VSTM4: variants seen among roughly 807,000 people sequenced by gnomAD.
The protein encoded by VSTM4 is V-set and transmembrane domain-containing protein 4.
A neutral mutation model predicts 36.4 loss-of-function variants in VSTM4; 20 were observed. The ratio of observed to expected loss-of-function variants is 0.55; its 90% confidence interval spans 0.39 to 0.80. The LOEUF (loss-of-function observed/expected upper bound fraction) is 0.80. VSTM4 is among the 30% of genes least tolerant of loss of function. The pLI is 0.00. For synonymous variants in VSTM4, 182 were observed against 173.9 expected (o/e 1.05, Z -0.37); for missense variants, 392 against 404.5 (o/e 0.97, Z 0.26).
chr10:49,024,389 T>C (rs545810665), intron 7 of VSTM4, among the ~76,000 whole-genome samples: 7 of 152,238 alleles, frequency 4.6e-5, no homozygotes, highest in African/African-American at 1.7e-4. Flanking sequence ...CACGCACGTA[T>C]TGATGCATCA....
At position 49,039,247 on chromosome 10, in the gene VSTM4, C is replaced by A. The variant is rs576562844; in HGVS notation, c.837+7736G>T. 3.3e-5 allele frequency among the ~76,000 whole-genome samples: 5 copies of A among 152,092 alleles called. No homozygotes were observed. In the South Asian group the frequency reaches 1.0e-3, roughly 32 times the overall value. ...CGTAGGTGAGGACAGAGGACCTAGA[C>A]CAATTGGGGTCTCAGCAGGATGAGG... On this transcript the variant is annotated intron_variant, in intron 7 of 7. Transcript: ENST00000332853.
At chr10:49,046,845 G>C in intron 7 of VSTM4, 138 bp downstream of exon 7, 1 of 831,588 alleles carries the variant, frequency 1.2e-6, no homozygotes, top group Non-Finnish European at 2.0e-6. Flanking sequence ...TGGCATCTGA[G>C]AATAGAGAAT....
At chr10:49,049,721 G>T (rs1182660366) in intron 5 of VSTM4, among the ~76,000 whole-genome samples, 1 of 150,908 alleles carries the variant, frequency 6.6e-6, no homozygotes, top group African/African-American at 2.4e-5. Context: ...AGCTCCCTCA[G>T]GACAGAGGAA....
At chr10:49,088,049 T>C (rs1844405903) in intron 2 of VSTM4, among the ~76,000 whole-genome samples, 1 of 149,888 alleles carries the variant, frequency 6.7e-6, no homozygotes, top group Non-Finnish European at 1.5e-5. Context: ...ATAATACAAA[T>C]ATATTTATGA....
intron 7 of VSTM4, among the ~76,000 whole-genome samples, chr10:49,030,363 AG>A (rs539684906): frequency 7.6e-4 from 116 of 152,246 alleles, no homozygotes; most frequent in African/African-American, 2.6e-3. Context: ...GCCTTGACCC[AG>A]GGTCCAGAGA....
intron 7 of VSTM4, among the ~76,000 whole-genome samples, chr10:49,036,098 G>A (rs571974129): frequency 6.6e-6 from 1 of 152,176 alleles, no homozygotes; most frequent in African/African-American, 2.4e-5. Context: ...TCCAGTGTGG[G>A]AGAGATATGA....
intron 7 of VSTM4, among the ~76,000 whole-genome samples, chr10:49,045,022 T>C (rs2131956540): frequency 6.6e-6 from 1 of 152,346 alleles, no homozygotes; most frequent in South Asian, 2.1e-4. Context: ...GCAGTTATGT[T>C]TGGGGCTCTT....
At chr10:49,077,191 C>G (rs376591726) in intron 4 of VSTM4, 28 bp downstream of exon 4, 76 of 1,609,640 alleles carry the variant, frequency 4.7e-5, no homozygotes, top group Non-Finnish European at 6.2e-5. Flanking sequence ...TGCTCCCATC[C>G]CAGACATGAC....
intron 4 of VSTM4, among the ~76,000 whole-genome samples, chr10:49,068,852 G>A (rs1174286733): frequency 6.6e-6 from 1 of 152,156 alleles, no homozygotes; most frequent in Non-Finnish European, 1.5e-5. Context: ...CTGTGGCCTG[G>A]CACCAGGCAC....
chr10:49,069,640 C>A (rs909569640), intron 4 of VSTM4, among the ~76,000 whole-genome samples: 2 of 152,192 alleles, frequency 1.3e-5, no homozygotes, highest in African/African-American at 4.8e-5. Flanking sequence ...AGAGCCCAGC[C>A]CCCTCCAGGA....
chr10:49,095,563 G>A (rs1006691412), intron 2 of VSTM4, among the ~76,000 whole-genome samples: 5 of 152,090 alleles, frequency 3.3e-5, no homozygotes, highest in African/African-American at 4.8e-5. Flanking sequence ...CTGGCCTCTT[G>A]CAACACTTTT....
At chr10:49,089,530 T>C (rs1257425008) in intron 2 of VSTM4, among the ~76,000 whole-genome samples, 1 of 152,182 alleles carries the variant, frequency 6.6e-6, no homozygotes, top group Non-Finnish European at 1.5e-5. Flanking sequence ...CAACAAGCTC[T>C]CCCTAATCTA....
At chr10:49,034,165 GTCA>G (rs775446552) in intron 7 of VSTM4, among the ~76,000 whole-genome samples, 8 of 145,860 alleles carry the variant, frequency 5.5e-5, no homozygotes, top group African/African-American at 1.5e-4. Flanking sequence ...TACCATCACC[GTCA>G]TCATCATCAC....
chr10:49,108,043 C>T lies in VSTM4; in HGVS notation c.56-48G>A, dbSNP rs1844823125. The stretch of plus-strand genomic sequence containing the variant: ...AGAGGATGAGGAGGGCCCCAAGTCC[C>T]CCTGTGGGCAGTCCACAGTCGAGGA... On this transcript the variant is annotated intron_variant, in intron 1 of 7. Transcript: ENST00000332853. The T allele has an allele frequency of 4.0e-6, 6 of 1,507,348 alleles. No individual in the cohort carries two copies. The East Asian group carries it at 1.2e-4, about 31-fold the overall frequency. 93.4% of individuals were successfully genotyped at this position (1,507,348 alleles called of 1,614,324 possible).
intron 2 of VSTM4, among the ~76,000 whole-genome samples, chr10:49,095,525 G>A (rs1844554352): frequency 6.6e-6 from 1 of 152,070 alleles, no homozygotes; most frequent in East Asian, 1.9e-4. Flanking sequence ...ATGCATCTAA[G>A]TCCATTGAGT....
chr10:49,016,530 C>T lies in VSTM4; in HGVS notation c.*3120G>A, dbSNP rs548536598. 4.6e-5 allele frequency: 7 copies of T among 152,342 alleles called. No homozygotes were observed. Among genetic ancestry groups the T allele is most frequent in the Admixed American group, 1.3e-4 (2 of 15,306 alleles). The allele number at this position is 152,342 out of a possible 1,614,324, so 9.4% of individuals were successfully genotyped here. ...TCCATTCTTGGCTCAGCCTAGGTTA[C>T]AGTCATGCATATCAGAGGCTGTGAT... On this transcript the variant is annotated 3_prime_UTR_variant, in exon 8 of 8. Transcript: ENST00000332853.
chr10:49,049,581 A>G (rs1286753553), intron 5 of VSTM4, among the ~76,000 whole-genome samples: 2 of 152,324 alleles, frequency 1.3e-5, no homozygotes, highest in East Asian at 1.9e-4. Flanking sequence ...AAGAGAGGCT[A>G]TCTCGCTAAT....
rs1238833133 is a variant in VSTM4 at position 49,115,455 on chromosome 10, G to T, written c.31C>A (p.Leu11Met). ...CCCGGAGCCGGAGCCCGCGCCAGCA[G>T]CGCGGCCGCCGCCAGTGCCAGCAGC... The part of the protein sequence containing the change: MRLLALAAAA[L>M]LARAPAPEVC... The change falls in exon 1 of 8, where the codon CTG becomes ATG. Residue 11 changes from leucine to methionine, a missense_variant. Leu to Met is a conservative substitution (Grantham distance 15). Coordinates refer to ENST00000332853, the MANE Select transcript of VSTM4 (RefSeq NM_001031746.5). 4.0e-5 allele frequency: 42 copies of T among 1,039,988 alleles called. No individual in the cohort carries two copies. The highest frequency in any genetic ancestry group is 4.8e-5 in the Non-Finnish European group (41 of 860,518). 64.4% of individuals were successfully genotyped at this position (1,039,988 alleles called of 1,614,324 possible).
At chr10:49,033,956 C>A (rs1320160441) in intron 7 of VSTM4, among the ~76,000 whole-genome samples, 1 of 145,758 alleles carries the variant, frequency 6.9e-6, no homozygotes, top group Non-Finnish European at 1.5e-5. Flanking sequence ...ATCACCATTA[C>A]CATTATCACC....
Sources: allele counts gnomAD v4.1 joint callset (sites outside exome capture counted in the v4.1 genomes callset), GRCh38; gene constraint gnomAD v4.1.1; transcripts MANE v1.5; gene names NCBI Gene and HGNC (gene_info 2026-07-23, HGNC 2026-07-21).